Variants in TDRD7 observed in about 807,000 individuals in gnomAD.
TDRD7 encodes tudor domain containing 7.
Under a neutral mutation model 109.8 loss-of-function variants are expected in TDRD7, and 47 were observed. The observed-to-expected ratio is 0.43, with a 90% CI of 0.34 to 0.55. The LOEUF is 0.55. Among genes scored for constraint, TDRD7 ranks in the 20% least tolerant of loss-of-function variants. The pLI, the probability that TDRD7 is intolerant of heterozygous loss-of-function variation, is 0.03. For synonymous variants in TDRD7, 424 were observed against 457.3 expected (o/e 0.93, Z 0.93); for missense variants, 1,164 against 1,319.2 (o/e 0.88, Z 1.82).
At chr9:97,448,367 C>T (rs1828435925) in intron 6 of TDRD7, among the ~76,000 whole-genome samples, 1 of 152,184 alleles carries the variant, frequency 6.6e-6, no homozygotes, top group Non-Finnish European at 1.5e-5. Context: ...AGTGCATCTG[C>T]ATTGTGACAT....
At chr9:97,484,748 T>A (rs1274504392) in intron 15 of TDRD7, among the ~76,000 whole-genome samples, 1 of 152,254 alleles carries the variant, frequency 6.6e-6, no homozygotes, top group Non-Finnish European at 1.5e-5. Context: ...ATAGGTTTAA[T>A]TCAGCTTGTG....
At chr9:97,444,129 A>G (rs1828358534) in intron 6 of TDRD7, among the ~76,000 whole-genome samples, 1 of 152,166 alleles carries the variant, frequency 6.6e-6, no homozygotes. Flanking sequence ...CTGGTGCTAA[A>G]ACAACTGACT....
Position 97,482,878 on chromosome 9 carries a change from C to T in TDRD7, c.2442C>T (p.Ile814=), listed in dbSNP as rs770449612. The T allele has an allele frequency of 3.7e-6, 6 of 1,613,934 alleles. No individual in the cohort carries two copies. The highest frequency in any genetic ancestry group is 2.2e-5 in the East Asian group (1 of 44,892). ...KVTKVDETRG[I]AHVYLFTPKN... ...CAAAAGTGGATGAAACCAGAGGGAT[C>T]GCACATGTTTATTTATTTACCCCTA... The change falls in exon 15 of 17, where the codon ATC becomes ATT. Residue 814 remains isoleucine (I), a synonymous_variant. Coordinates refer to ENST00000355295, the MANE Select transcript of TDRD7 (RefSeq NM_014290.3).
At chr9:97,465,129 C>A in intron 8 of TDRD7, 101 bp downstream of exon 8, 1 of 1,402,992 alleles carries the variant, frequency 7.1e-7, no homozygotes, top group Admixed American at 2.2e-5. Flanking sequence ...ATGTTGTATC[C>A]TATAATTAAA....
chr9:97,482,401 G>A (rs1829130800), intron 14 of TDRD7, among the ~76,000 whole-genome samples: 1 of 152,116 alleles, frequency 6.6e-6, no homozygotes, highest in Non-Finnish European at 1.5e-5. Context: ...GGACACACCA[G>A]CCTTAAGCAG....
chr9:97,454,436 GTGCCAC>G (rs1828565909), intron 6 of TDRD7, among the ~76,000 whole-genome samples: 1 of 152,184 alleles, frequency 6.6e-6, no homozygotes, highest in Non-Finnish European at 1.5e-5. Context: ...AGCCGAGATC[GTGCCAC>G]TGCACTCCAG....
intron 15 of TDRD7, among the ~76,000 whole-genome samples, chr9:97,485,908 A>G (rs1333452167): frequency 6.6e-6 from 1 of 152,156 alleles, no homozygotes; most frequent in East Asian, 1.9e-4. Context: ...CTCATGGAGT[A>G]TTGCTTGCTG....
In TDRD7 at chr9:97,460,530, A is replaced by G. The variant is rs943991492; in HGVS notation, c.1208A>G (p.Tyr403Cys). 1.5e-5 allele frequency: 25 copies of G among 1,614,220 alleles called. No individual in the cohort carries two copies. The highest frequency in any genetic ancestry group is 2.2e-5 in the South Asian group (2 of 91,086). Reference sequence around the variant, plus strand: ...GGAAATCCCCAGAAGGCCATTCTCTATGCTAAACTTCCATTGCCCACTGAC... The same window carrying G: ...GGAAATCCCCAGAAGGCCATTCTCTGTGCTAAACTTCCATTGCCCACTGAC... Reference protein sequence around the residue: ...ISGNPQKAILYAKLPLPTDKI... With the variant: ...ISGNPQKAILCAKLPLPTDKI... The change falls in exon 7 of 17, where the codon TAT (tyrosine) becomes TGT (cysteine). Residue 403 changes from tyrosine to cysteine, a missense_variant. This residue lies in a region of TDRD7 where 407 missense variants were observed against 394.0 expected (regional missense o/e 1.03). Coordinates refer to ENST00000355295, the MANE Select transcript of TDRD7 (RefSeq NM_014290.3).
At chr9:97,443,997 T>A (rs1828356353) in intron 6 of TDRD7, among the ~76,000 whole-genome samples, 1 of 152,186 alleles carries the variant, frequency 6.6e-6, no homozygotes, top group African/African-American at 2.4e-5. Flanking sequence ...GAAATTTTAA[T>A]CTTTGCTACT....
At chr9:97,449,234 C>T (rs948948852) in intron 6 of TDRD7, among the ~76,000 whole-genome samples, 3 of 152,160 alleles carry the variant, frequency 2.0e-5, no homozygotes, top group Non-Finnish European at 2.9e-5. Context: ...CAAATGTGGG[C>T]GTTTTCCCCA....
chr9:97,464,867 G>T lies in TDRD7; in HGVS notation c.1468G>T (p.Ala490Ser). The T allele has an allele frequency of 6.2e-7, 1 of 1,614,118 alleles. No homozygotes were observed. Among genetic ancestry groups the T allele is most frequent in the Non-Finnish European group, 8.5e-7 (1 of 1,180,004 alleles). The change falls in exon 8 of 17, where the codon GCT becomes TCT. Residue 490 changes from alanine to serine, a missense_variant. Coordinates refer to ENST00000355295, the MANE Select transcript of TDRD7 (RefSeq NM_014290.3). The part of the protein sequence containing the change: ...IRYVGKDYSA[A>S]QELMEDEMKE... ...GTATGTGGGCAAAGACTATTCTGCTGCTCAGGAATTAATGGAAGATGAGAT... is the reference window on the plus strand; with the variant it reads ...GTATGTGGGCAAAGACTATTCTGCTTCTCAGGAATTAATGGAAGATGAGAT...
chr9:97,473,412 G>T lies in TDRD7; in HGVS notation c.1945-80G>T, dbSNP rs1033589052. On this transcript the variant is annotated intron_variant, in intron 10 of 16. Coordinates refer to ENST00000355295, the MANE Select transcript of TDRD7 (RefSeq NM_014290.3). Reference sequence around the variant, plus strand: ...AAAATGCAAAGACTTGTTATGGGATGTTTAGGTAGATACCCTTTAGGTAGG... The same window carrying T: ...AAAATGCAAAGACTTGTTATGGGATTTTTAGGTAGATACCCTTTAGGTAGG... 13 of 1,582,618 alleles carry T rather than the reference G, an allele frequency of 8.2e-6. No individual in the cohort carries two copies. The African/African-American group carries it at 1.7e-4, about 21-fold the overall frequency.
chr9:97,495,216 T>C (rs1829376746), intron 16 of TDRD7, among the ~76,000 whole-genome samples: 2 of 152,336 alleles, frequency 1.3e-5, no homozygotes, highest in African/African-American at 4.8e-5. Context: ...CACGATGCTG[T>C]GTATAATTTT....
At chr9:97,441,392 A>T (rs1828301963) in intron 5 of TDRD7, among the ~76,000 whole-genome samples, 1 of 152,156 alleles carries the variant, frequency 6.6e-6, no homozygotes, top group Non-Finnish European at 1.5e-5. Flanking sequence ...TGATGTTTAA[A>T]CTATGAAGCA....
chr9:97,459,012 AC>A (rs1414194158), intron 6 of TDRD7, among the ~76,000 whole-genome samples: 2 of 152,278 alleles, frequency 1.3e-5, no homozygotes, highest in East Asian at 3.9e-4. Flanking sequence ...TGTAATTATT[AC>A]CCTAAGGGGT....
rs139020466 is a variant in TDRD7, at chr9:97,494,327, T to A, written c.3077-1336T>A. On this transcript the variant is annotated intron_variant, in intron 16 of 16. Coordinates refer to ENST00000355295, the MANE Select transcript of TDRD7 (RefSeq NM_014290.3). ...ACCAGTGAGTTGTTGCTTCATTACA[T>A]CTGGCCTTGACCTGGGCATTCTTTG... 2.1e-3 allele frequency among the ~76,000 whole-genome samples: 327 copies of A among 152,354 alleles called. 1 individual carries two copies. The highest frequency in any genetic ancestry group is 7.2e-3 in the African/African-American group (301 of 41,596).
chr9:97,438,723 G>C (rs1828245733), intron 4 of TDRD7, among the ~76,000 whole-genome samples: 1 of 152,038 alleles, frequency 6.6e-6, no homozygotes, highest in African/African-American at 2.4e-5. Context: ...TATTTGACCA[G>C]TCCCTCACCT....
intron 1 of TDRD7, among the ~76,000 whole-genome samples, chr9:97,417,564 T>G (rs1412169718): frequency 2.6e-5 from 4 of 152,162 alleles, no homozygotes; most frequent in African/African-American, 9.7e-5. Flanking sequence ...ATCACATTGC[T>G]TGGGGGAGGA....
At chr9:97,456,952 C>T (rs1167727624) in intron 6 of TDRD7, among the ~76,000 whole-genome samples, 1 of 152,018 alleles carries the variant, frequency 6.6e-6, no homozygotes, top group South Asian at 2.1e-4. Flanking sequence ...CTAAAATTTA[C>T]AAGGAACTTA....
Sources: allele counts gnomAD v4.1 joint callset (sites outside exome capture counted in the v4.1 genomes callset), GRCh38; gene constraint gnomAD v4.1.1; regional missense constraint gnomAD v4.1.1; transcripts MANE v1.5; gene names NCBI Gene and HGNC (gene_info 2026-07-23, HGNC 2026-07-21).